The following FILIP1 variants were observed in gnomAD, a reference collection of about 807,000 sequenced individuals.
FILIP1 encodes the protein filamin-A-interacting protein 1.
A neutral mutation model predicts 102.1 loss-of-function variants in FILIP1; 61 were observed. The observed-to-expected ratio is 0.60, with a 90% CI of 0.49 to 0.74. The LOEUF (loss-of-function observed/expected upper bound fraction) is 0.74, where lower values mean the gene tolerates loss of function less well. Ranked by LOEUF, FILIP1 falls within the 30% of genes least tolerant of loss-of-function variation. FILIP1 has a pLI of 0.00. For synonymous variants in FILIP1, 491 were observed against 526.9 expected, an observed-to-expected ratio of 0.93 and a Z score of 0.93; for missense variants, 1,314 against 1,441.2, an observed-to-expected ratio of 0.91 and a Z score of 1.43.
chr6:75,457,713 A>G (rs1778890967), intron 1 of FILIP1, among the ~76,000 whole-genome samples: 1 of 152,072 alleles, frequency 6.6e-6, no homozygotes, highest in African/African-American at 2.4e-5. Context: ...AGCAGTGGCT[A>G]AAAGGAATGG....
chr6:75,452,995 G>C (rs764642564), intron 1 of FILIP1, among the ~76,000 whole-genome samples: 24 of 152,200 alleles, frequency 1.6e-4, no homozygotes, highest in Non-Finnish European at 2.6e-4. Flanking sequence ...TCCATTGATA[G>C]GTGTTTTGTA....
intron 1 of FILIP1, among the ~76,000 whole-genome samples, chr6:75,443,753 G>A (rs115597136): frequency 6.7e-4 from 102 of 152,330 alleles, no homozygotes; most frequent in African/African-American, 2.3e-3. Context: ...TGTCGCCTTA[G>A]ACAAGGTATG....
chr6:75,387,879 T>C (rs960094437), intron 2 of FILIP1, among the ~76,000 whole-genome samples: 2 of 152,200 alleles, frequency 1.3e-5, no homozygotes, highest in Non-Finnish European at 2.9e-5. Flanking sequence ...AGAAGCTCTT[T>C]AGTTTAATTA....
At chr6:75,463,826 G>C (rs532173430) in intron 1 of FILIP1, among the ~76,000 whole-genome samples, 1 of 152,110 alleles carries the variant, frequency 6.6e-6, no homozygotes, top group Non-Finnish European at 1.5e-5. Flanking sequence ...TCCTTATCCA[G>C]AGATGTTTGT....
At chr6:75,410,550 C>A (rs1029676352) in intron 2 of FILIP1, among the ~76,000 whole-genome samples, 4 of 152,096 alleles carry the variant, frequency 2.6e-5, no homozygotes, top group Non-Finnish European at 5.9e-5. Context: ...CATTCCCTTG[C>A]CCTGCAACCT....
chr6:75,443,089 A>G (rs1175311172), intron 1 of FILIP1, among the ~76,000 whole-genome samples: 1 of 152,218 alleles, frequency 6.6e-6, no homozygotes, highest in Non-Finnish European at 1.5e-5. Flanking sequence ...CAATTTTTAG[A>G]TCAGATGAAA....
chr6:75,437,920 C>T (rs979584944), intron 1 of FILIP1, among the ~76,000 whole-genome samples: 1 of 152,166 alleles, frequency 6.6e-6, no homozygotes, highest in Non-Finnish European at 1.5e-5. Flanking sequence ...CATAGGAGTA[C>T]GTTATAAGAT....
chr6:75,313,078 G>A lies in FILIP1; in HGVS notation c.2754C>T (p.His918=), dbSNP rs146804956. ...TCTCCAAAGTCGCAGTGCTGTTCTC[G>A]TGGTCTGGTGTCACTCGAATATGCA... ...QPLHIRVTPD[H]ENSTATLEIT... is the part of the protein sequence containing the mutation. Residue 918 remains histidine, a synonymous_variant, in exon 5 of 6, where the codon CAC becomes CAT. Coordinates refer to ENST00000237172, the MANE Select transcript of FILIP1 (RefSeq NM_015687.5). The surrounding 1 kb of genome is among the most constrained non-coding windows in gnomAD (Gnocchi z 4.2). The A allele has an allele frequency of 1.9e-4, 314 of 1,614,062 alleles. No homozygotes were observed. The highest frequency in any genetic ancestry group is 5.0e-4 in the Admixed American group (30 of 60,002).
At chr6:75,485,559 G>C (rs1779758922) in intron 1 of FILIP1, among the ~76,000 whole-genome samples, 2 of 152,150 alleles carry the variant, frequency 1.3e-5, no homozygotes, top group African/African-American at 4.8e-5. Context: ...TCTGGCCACT[G>C]GCATAAGAGA....
chr6:75,415,202 T>C (rs531550292), intron 1 of FILIP1, among the ~76,000 whole-genome samples: 11 of 152,210 alleles, frequency 7.2e-5, no homozygotes, highest in African/African-American at 2.6e-4. Context: ...TCAAGGTCAG[T>C]ATCAATAGTG....
At chr6:75,406,675 T>TC (rs889493648) in intron 2 of FILIP1, among the ~76,000 whole-genome samples, 10 of 151,414 alleles carry the variant, frequency 6.6e-5, no homozygotes. Context: ...TTTTTTTTTT[T>TC]TTCAGACGGA....
chr6:75,405,362 A>G (rs73459774), intron 2 of FILIP1, among the ~76,000 whole-genome samples: 1,591 of 152,304 alleles, frequency 0.01, 32 homozygotes, highest in African/African-American at 0.037. Flanking sequence ...AAGAAGGGGG[A>G]AAATTAGCTT....
intron 4 of FILIP1, among the ~76,000 whole-genome samples, chr6:75,344,046 C>T (rs1774499388): frequency 6.6e-6 from 1 of 152,194 alleles, no homozygotes; most frequent in African/African-American, 2.4e-5. Flanking sequence ...AACCCAACAG[C>T]AATGCTTATG....
chr6:75,369,249 G>A (rs1469124465), intron 2 of FILIP1, among the ~76,000 whole-genome samples: 1 of 152,146 alleles, frequency 6.6e-6, no homozygotes. Flanking sequence ...GCCAGTTCCG[G>A]GCAAATGAGG....
intron 1 of FILIP1, among the ~76,000 whole-genome samples, chr6:75,471,776 A>G (rs1779338953): frequency 6.6e-6 from 1 of 152,198 alleles, no homozygotes; most frequent in African/African-American, 2.4e-5. Flanking sequence ...TGTGTACTGA[A>G]AAAATGTCTA....
intron 6 of FILIP1, among the ~76,000 whole-genome samples, chr6:75,299,515 G>A (rs186690494): frequency 6.6e-6 from 1 of 152,066 alleles, no homozygotes; most frequent in African/African-American, 2.4e-5. Context: ...TTTCTAATTG[G>A]AAGTTTTAAA....
At chr6:75,373,799 A>G (rs1775656830) in intron 2 of FILIP1, among the ~76,000 whole-genome samples, 1 of 152,164 alleles carries the variant, frequency 6.6e-6, no homozygotes, top group Admixed American at 6.5e-5. Context: ...TCTTGAGCCC[A>G]GGAGTTCAAG....
intron 2 of FILIP1, among the ~76,000 whole-genome samples, chr6:75,378,885 A>C (rs1775819541): frequency 1.3e-5 from 2 of 152,182 alleles, no homozygotes; most frequent in Non-Finnish European, 2.9e-5. Context: ...TTGGTACCAA[A>C]ATAAGGGTAC....
At chr6:75,431,055 T>G (rs1214626772) in intron 1 of FILIP1, among the ~76,000 whole-genome samples, 1 of 152,220 alleles carries the variant, frequency 6.6e-6, no homozygotes, top group Non-Finnish European at 1.5e-5. Flanking sequence ...ACTCTGAGTT[T>G]GCATGTTCAG....
Sources: gnomAD v4.1 joint callset for allele counts (sites outside exome capture counted in the v4.1 genomes callset) on GRCh38, gnomAD v4.1.1 for gene constraint, Gnocchi (gnomAD v3.1) non-coding constraint, MANE v1.5 for transcripts, NCBI Gene and HGNC (gene_info 2026-07-23, HGNC 2026-07-21) for gene names.